Variants in RABEP1 observed in about 807,000 individuals in gnomAD.
RABEP1 encodes the protein rab GTPase-binding effector protein 1.
RABEP1 carries 51 observed loss-of-function variants against 123.4 expected under a neutral mutation model. The observed-to-expected ratio is 0.41, with a 90% CI of 0.33 to 0.52. The LOEUF (loss-of-function observed/expected upper bound fraction) is 0.52, where lower values mean the gene tolerates loss of function less well. RABEP1 is among the 20% of genes least tolerant of loss of function. The probability of loss-of-function intolerance (pLI) is 0.16; values close to 1 mark genes in which losing one functional copy is unlikely to be tolerated. For synonymous variants in RABEP1, 347 were observed against 355.2 expected (o/e 0.98, Z 0.26); for missense variants, 888 against 996.3 (o/e 0.89, Z 1.46).
At chr17:5,298,714 A>G (rs7215758) in intron 1 of RABEP1, among the ~76,000 whole-genome samples, 91,609 of 149,436 alleles carry the variant, frequency 0.61, 29,648 homozygotes, top group East Asian at 0.96. Context: ...GGAGTGCAGT[A>G]GCGAGATCTC....
rs1271613714 is a variant in RABEP1, at chr17:5,338,234, A to G, written c.648+96A>G. 6 of 1,375,838 alleles carry G rather than the reference A, an allele frequency of 4.4e-6. No individual in the cohort carries two copies. In the Admixed American group the frequency reaches 9.5e-5, roughly 22 times the overall value. 85.2% of individuals were successfully genotyped at this position (1,375,838 alleles called of 1,614,324 possible). A position where few individuals can be genotyped will look rare whatever the true frequency, so the allele number is the denominator to read the frequency against. Reference sequence around the variant, plus strand: ...TCAGTAATAGGGAAAAAAACCTGTAATTTAGACTATGCATCTTAAGAATCT... The same window carrying G: ...TCAGTAATAGGGAAAAAAACCTGTAGTTTAGACTATGCATCTTAAGAATCT... On this transcript the variant is annotated intron_variant, in intron 5 of 17. Transcript: ENST00000537505.
Position 5,377,322 on chromosome 17 carries a change from T to C in RABEP1, c.2215+17T>C. The C allele has an allele frequency of 6.4e-7, 1 of 1,563,052 alleles. No individual in the cohort carries two copies. On this transcript the variant is annotated intron_variant, in intron 14 of 17. Coordinates refer to ENST00000537505, the MANE Select transcript of RABEP1 (RefSeq NM_004703.6). ...AGGAAATAGGTGAAGATAAAAGTGA[T>C]GTAGTTTAGAATTAGAGTCACTAAA...
At chr17:5,293,457 G>A (rs2075051918) in intron 1 of RABEP1, among the ~76,000 whole-genome samples, 1 of 151,942 alleles carries the variant, frequency 6.6e-6, no homozygotes, top group Non-Finnish European at 1.5e-5. Flanking sequence ...TTGAGACAGG[G>A]TCTCTCTCCA....
chr17:5,316,832 C>CAAAA (rs55890740), intron 2 of RABEP1, among the ~76,000 whole-genome samples: 212 of 67,118 alleles, frequency 3.2e-3, no homozygotes, highest in African/African-American at 4.4e-3. Context: ...GACTCTGTCT[C>CAAAA]AAAAAAAAAA....
rs1335700049 is a variant in RABEP1 at position 5,385,035 on chromosome 17, C to G, written c.*1812C>G. ...TGAAGTGTTCTGCTGAGACTGAGCA[C>G]CTTACAGATATTTTTCTCCAGAAGA... On this transcript the variant is annotated 3_prime_UTR_variant, in exon 18 of 18. Transcript: ENST00000537505. 1 of 228,644 alleles carries G rather than the reference C, an allele frequency of 4.4e-6. No individual in the cohort carries two copies. The highest frequency in any genetic ancestry group is 8.7e-6 in the Non-Finnish European group (1 of 115,424). 14.2% of individuals were successfully genotyped at this position (228,644 alleles called of 1,614,324 possible). A position where few individuals can be genotyped will look rare whatever the true frequency, so the allele number is the denominator to read the frequency against.
At chr17:5,367,424 A>C (rs1910122865) in intron 11 of RABEP1, among the ~76,000 whole-genome samples, 1 of 150,728 alleles carries the variant, frequency 6.6e-6, no homozygotes. Context: ...GGCACCCGCC[A>C]CCACGCCCGG....
intron 3 of RABEP1, among the ~76,000 whole-genome samples, chr17:5,332,498 TAG>T (rs1906643178): frequency 6.6e-6 from 1 of 151,914 alleles, no homozygotes; most frequent in Non-Finnish European, 1.5e-5. Flanking sequence ...TGTGCTGGAG[TAG>T]AGAGAGCTGC....
At chr17:5,382,104 C>T (rs191547923) in intron 17 of RABEP1, among the ~76,000 whole-genome samples, 43 of 147,276 alleles carry the variant, frequency 2.9e-4, no homozygotes, top group East Asian at 2.8e-3. Flanking sequence ...TTTTTGGAGA[C>T]GGAGTCATGC....
intron 7 of RABEP1, among the ~76,000 whole-genome samples, chr17:5,352,279 G>A (rs1206516672): frequency 4.6e-5 from 7 of 150,938 alleles, no homozygotes; most frequent in Non-Finnish European, 1.0e-4. Flanking sequence ...TGCAACCTCC[G>A]CCTCCCAGGC....
rs1272071768 is a variant in RABEP1 at position 5,383,446 on chromosome 17, C to T, written c.*223C>T. 5 of 488,374 alleles carry T rather than the reference C, an allele frequency of 1.0e-5. No homozygotes were observed. The East Asian group carries it at 1.7e-4, about 16-fold the overall frequency. 30.3% of individuals were successfully genotyped at this position (488,374 alleles called of 1,614,324 possible). On this transcript the variant is annotated 3_prime_UTR_variant, in exon 18 of 18. Coordinates refer to ENST00000537505, the MANE Select transcript of RABEP1 (RefSeq NM_004703.6). The stretch of plus-strand genomic sequence containing the variant: ...CTTCAAATGCGAACACTATAAACTC[C>T]AGGCTTGATTCCAACAGGCGTGGGA...
intron 11 of RABEP1, among the ~76,000 whole-genome samples, chr17:5,367,989 T>A (rs1910216055): frequency 6.7e-6 from 1 of 148,818 alleles, no homozygotes; most frequent in Non-Finnish European, 1.5e-5. Flanking sequence ...ACTCCTGACC[T>A]CAGGTGATCT....
intron 2 of RABEP1, 110 bp downstream of exon 2, chr17:5,308,932 A>G: frequency 1.8e-6 from 2 of 1,114,882 alleles, no homozygotes; most frequent in Non-Finnish European, 2.5e-6. Flanking sequence ...TTTTATTTGT[A>G]CTTGCATAAT....
At chr17:5,375,834 A>G (rs1269280395) in intron 13 of RABEP1, among the ~76,000 whole-genome samples, 1 of 151,980 alleles carries the variant, frequency 6.6e-6, no homozygotes, top group African/African-American at 2.4e-5. Flanking sequence ...CATGTTCTTT[A>G]GAGACTTTAT....
At chr17:5,329,373 A>C (rs948701846) in intron 2 of RABEP1, among the ~76,000 whole-genome samples, 2 of 152,076 alleles carry the variant, frequency 1.3e-5, no homozygotes, top group African/African-American at 4.8e-5. Context: ...CTACTAAAAA[A>C]TACAAAAATT....
rs1315079442 is a variant in RABEP1, at chr17:5,373,319, G to A, written c.1890G>A (p.Val630=). ...AGTATCTACTTCTATTTTAGGCGGT[G>A]CTGATGCAGTCACGGGAACAGGTTT... is the stretch of plus-strand genomic sequence containing the variant. ...AKRDVQEQMA[V]LMQSREQVSE... The change falls in exon 13 of 18, where the codon GTG becomes GTA. Residue 630 remains valine (V), a synonymous_variant. Transcript: ENST00000537505. 5 of 1,613,074 alleles carry A rather than the reference G, an allele frequency of 3.1e-6. No individual in the cohort carries two copies. The highest frequency in any genetic ancestry group is 2.2e-5 in the South Asian group (2 of 90,942).
At chr17:5,346,764 T>C (rs1181191284) in intron 5 of RABEP1, 26 bp from the exon 6 acceptor site, 12 of 1,489,088 alleles carry the variant, frequency 8.1e-6, no homozygotes, top group Non-Finnish European at 1.1e-5. Flanking sequence ...TAAATTTCAG[T>C]TTAATGGAAT....
chr17:5,304,789 A>G (rs564301440), intron 1 of RABEP1, among the ~76,000 whole-genome samples: 1 of 152,334 alleles, frequency 6.6e-6, no homozygotes, highest in East Asian at 1.9e-4. Flanking sequence ...GATGCTATAA[A>G]GATACATGGT....
chr17:5,319,642 C>T (rs1288551850), intron 2 of RABEP1, among the ~76,000 whole-genome samples: 1 of 152,024 alleles, frequency 6.6e-6, no homozygotes, highest in South Asian at 2.1e-4. Context: ...GGATTACAGG[C>T]GTGAGCTACC....
rs1382514383 is a variant in RABEP1, at chr17:5,335,352, G to A, written c.528+8G>A. ...GAAAATGAAATGAAAAAGGTATGAA[G>A]GAATGTGTTCATTTGTAGAAATATT... On this transcript the variant is annotated splice_region_variant and intron_variant, in intron 4 of 17. Coordinates refer to ENST00000537505, the MANE Select transcript of RABEP1 (RefSeq NM_004703.6). 5 of 1,602,438 alleles carry A rather than the reference G, an allele frequency of 3.1e-6. No homozygotes were observed. The highest frequency in any genetic ancestry group is 3.4e-6 in the Non-Finnish European group (4 of 1,172,290).
Sources: allele counts gnomAD v4.1 joint callset (sites outside exome capture counted in the v4.1 genomes callset), GRCh38; gene constraint gnomAD v4.1.1; transcripts MANE v1.5; gene names NCBI Gene and HGNC (gene_info 2026-07-23, HGNC 2026-07-21).